The following RTN4RL1 variants were observed in gnomAD, a reference collection of about 807,000 sequenced individuals.
The protein encoded by RTN4RL1 is reticulon-4 receptor-like 1.
A neutral mutation model predicts 25.6 loss-of-function variants in RTN4RL1; 7 were observed. That is an observed-to-expected ratio of 0.27 (90% CI 0.16 to 0.51). The LOEUF is 0.51. Among genes scored for constraint, RTN4RL1 ranks in the 20% least tolerant of loss-of-function variants. The pLI, the probability that RTN4RL1 is intolerant of heterozygous loss-of-function variation, is 0.97. For missense variants in RTN4RL1, 500 were observed against 615.6 expected (o/e 0.81, Z 1.99); for synonymous variants, 297 against 288.2 (o/e 1.03, Z -0.31).
Position 1,936,287 on chromosome 17 carries a change from G to A in RTN4RL1, c.*209C>T, listed in dbSNP as rs771940511. On this transcript the variant is annotated 3_prime_UTR_variant, in exon 2 of 2. Transcript: ENST00000331238. ...CTCTGCGGGGCTGGCTGGGACAGCC[G>A]GCTGAGAAGCGCCACCCCCTCCCGC... 17 of 1,372,830 alleles carry A rather than the reference G, an allele frequency of 1.2e-5. No homozygotes were observed. Among genetic ancestry groups the A allele is most frequent in the African/African-American group, 9.1e-5 (6 of 66,098 alleles). 85.0% of individuals were successfully genotyped at this position (1,372,830 alleles called of 1,614,324 possible). A position where few individuals can be genotyped will look rare whatever the true frequency, so the allele number is the denominator to read the frequency against.
intron 1 of RTN4RL1, among the ~76,000 whole-genome samples, chr17:2,008,710 G>A (rs938941391): frequency 6.6e-6 from 1 of 152,094 alleles, no homozygotes; most frequent in Non-Finnish European, 1.5e-5. Flanking sequence ...CCACCGATCC[G>A]TGGCACGAAC....
intron 1 of RTN4RL1, among the ~76,000 whole-genome samples, chr17:2,004,406 A>C (rs2066980069): frequency 6.6e-6 from 1 of 151,508 alleles, no homozygotes; most frequent in Admixed American, 6.6e-5. Flanking sequence ...AAAACAAAAC[A>C]AAGAAGCAGT....
intron 1 of RTN4RL1, among the ~76,000 whole-genome samples, chr17:1,971,586 T>A (rs1316067354): frequency 6.6e-6 from 1 of 151,920 alleles, no homozygotes; most frequent in East Asian, 1.9e-4. Flanking sequence ...TCCCAGCACG[T>A]CGGGAGGCTG....
intron 1 of RTN4RL1, chr17:1,995,538 C>T (rs1015476102): frequency 2.0e-5 from 3 of 152,080 alleles, no homozygotes; most frequent in Non-Finnish European, 4.4e-5. Flanking sequence ...CTCGTCCTTA[C>T]AGGCTCATAC....
At position 1,950,286 on chromosome 17, in the gene RTN4RL1, C is replaced by T. The variant is rs562110784; in HGVS notation, c.14-12478G>A. On this transcript the variant is annotated intron_variant, in intron 1 of 1. Coordinates refer to ENST00000331238, the MANE Select transcript of RTN4RL1 (RefSeq NM_178568.4). ...CCAGGATGGGGCCCGACAGGACACACTGACGGATCAGGGTGAGGGAGGCGA... is the reference window on the plus strand; with the variant it reads ...CCAGGATGGGGCCCGACAGGACACATTGACGGATCAGGGTGAGGGAGGCGA... Among the ~76,000 whole-genome samples the T allele has an allele frequency of 2.0e-5, 3 of 152,128 alleles. No individual in the cohort carries two copies. The South Asian group carries it at 6.2e-4, about 32-fold the overall frequency.
At chr17:2,024,651 G>A (rs1245240468) in intron 1 of RTN4RL1, among the ~76,000 whole-genome samples, 1 of 152,166 alleles carries the variant, frequency 6.6e-6, no homozygotes, top group Non-Finnish European at 1.5e-5. Flanking sequence ...TCGATCCATG[G>A]AGAAAACCCC....
At position 1,935,490 on chromosome 17, in the gene RTN4RL1, C is replaced by T; in HGVS notation, c.*1006G>A. On this transcript the variant is annotated 3_prime_UTR_variant, in exon 2 of 2. Coordinates refer to ENST00000331238, the MANE Select transcript of RTN4RL1 (RefSeq NM_178568.4). ...TGACTCTTGCTGCCTCCCCCTTCCT[C>T]ACCGTCCCGCCGACACCTTGCCCCA... 1.0e-6 allele frequency: 1 copy of T among 967,678 alleles called. No individual in the cohort carries two copies. Among genetic ancestry groups the T allele is most frequent in the Non-Finnish European group, 1.2e-6 (1 of 813,572 alleles). 59.9% of individuals were successfully genotyped at this position (967,678 alleles called of 1,614,324 possible). A position where few individuals can be genotyped will look rare whatever the true frequency, so the allele number is the denominator to read the frequency against.
At chr17:1,941,611 G>A (rs920070704) in intron 1 of RTN4RL1, among the ~76,000 whole-genome samples, 1 of 152,168 alleles carries the variant, frequency 6.6e-6, no homozygotes, top group African/African-American at 2.4e-5. Context: ...GGCGGTGGGG[G>A]GGGATCCGAG....
intron 1 of RTN4RL1, among the ~76,000 whole-genome samples, chr17:1,962,811 G>A (rs1327694107): frequency 1.4e-5 from 2 of 147,814 alleles, no homozygotes; most frequent in African/African-American, 2.5e-5. Flanking sequence ...GCAGTGAGCC[G>A]AGATCGCACC....
intron 1 of RTN4RL1, among the ~76,000 whole-genome samples, chr17:1,967,400 A>ACGCCTCGC (rs1310895826): frequency 6.6e-6 from 1 of 151,700 alleles, no homozygotes; most frequent in Non-Finnish European, 1.5e-5. Flanking sequence ...GCTACCCACC[A>ACGCCTCGC]CGCCTCGCCG....
At chr17:1,937,891 G>A (rs747057169) in intron 1 of RTN4RL1, 83 bp from the exon 2 acceptor site, 98 of 1,111,624 alleles carry the variant, frequency 8.8e-5, no homozygotes, top group Middle Eastern at 3.1e-4. Flanking sequence ...CGCCGAGGAC[G>A]CATCCTCGTC....
intron 1 of RTN4RL1, among the ~76,000 whole-genome samples, chr17:1,956,730 G>T (rs1915801152): frequency 6.9e-6 from 1 of 144,896 alleles, no homozygotes; most frequent in Non-Finnish European, 1.5e-5. Context: ...CTGCATACCT[G>T]TCGGGAACTT....
rs535063639 is a variant in RTN4RL1 at position 1,951,270 on chromosome 17, A to G, written c.14-13462T>C. Among the ~76,000 whole-genome samples, 3 of 152,170 alleles carry G rather than the reference A, an allele frequency of 2.0e-5. No homozygotes were observed. The East Asian group carries it at 5.8e-4, about 29-fold the overall frequency. ...ACAGAGCGAGACTCCGTCTCAAAAA[A>G]AAAAATATTAAATTTTATTAACAAA... is the stretch of plus-strand genomic sequence containing the variant. On this transcript the variant is annotated intron_variant, in intron 1 of 1. Coordinates refer to ENST00000331238, the MANE Select transcript of RTN4RL1 (RefSeq NM_178568.4).
intron 1 of RTN4RL1, among the ~76,000 whole-genome samples, chr17:1,991,924 G>T (rs1229385583): frequency 6.6e-6 from 1 of 152,146 alleles, no homozygotes; most frequent in Non-Finnish European, 1.5e-5. Context: ...AACTGACTCT[G>T]ACTGAGAAGT....
intron 1 of RTN4RL1, among the ~76,000 whole-genome samples, chr17:2,011,825 G>T (rs901473872): frequency 6.6e-6 from 1 of 152,152 alleles, no homozygotes; most frequent in African/African-American, 2.4e-5. Context: ...GCCACCCCAC[G>T]AGTCACGTGT....
intron 1 of RTN4RL1, among the ~76,000 whole-genome samples, chr17:1,999,025 GC>G (rs990699253): frequency 6.6e-6 from 1 of 151,732 alleles, no homozygotes; most frequent in African/African-American, 2.4e-5. Context: ...CCACTCCACA[GC>G]CCCTTACAGC....
intron 1 of RTN4RL1, among the ~76,000 whole-genome samples, chr17:1,990,241 C>A (rs1385492645): frequency 6.6e-6 from 1 of 152,040 alleles, no homozygotes; most frequent in African/African-American, 2.4e-5. Flanking sequence ...CACCTGTAAT[C>A]CCAGCTACTT....
chr17:1,953,956 C>G (rs560682937), intron 1 of RTN4RL1, among the ~76,000 whole-genome samples: 1 of 152,200 alleles, frequency 6.6e-6, no homozygotes, highest in Non-Finnish European at 1.5e-5. Flanking sequence ...AAATGCATGG[C>G]CCTGAAGCCC....
chr17:1,936,306 C>T lies in RTN4RL1; in HGVS notation c.*190G>A, dbSNP rs1915302020. The stretch of plus-strand genomic sequence containing the variant: ...ACAGCCGGCTGAGAAGCGCCACCCC[C>T]TCCCGCCTAGGGCTGTACACTTTGG... On this transcript the variant is annotated 3_prime_UTR_variant, in exon 2 of 2. Transcript: ENST00000331238. 2 of 1,378,838 alleles carry T rather than the reference C, an allele frequency of 1.5e-6. No homozygotes were observed. Among genetic ancestry groups the T allele is most frequent in the Admixed American group, 3.5e-5 (1 of 28,732 alleles). The allele number at this position is 1,378,838 out of a possible 1,614,324, so 85.4% of individuals were successfully genotyped here.
Sources: allele counts gnomAD v4.1 joint callset (sites outside exome capture counted in the v4.1 genomes callset), GRCh38; gene constraint gnomAD v4.1.1; transcripts MANE v1.5; gene names NCBI Gene and HGNC (gene_info 2026-07-23, HGNC 2026-07-21).